Variants in CYP4X1 observed in about 807,000 individuals in gnomAD.
CYP4X1 encodes the protein cytochrome P450 4X1.
CYP4X1 carries 44 observed loss-of-function variants against 57.9 expected under a neutral mutation model. The observed-to-expected ratio is 0.76, with a 90% CI of 0.60 to 0.98. The LOEUF is 0.98. Among genes scored for constraint, CYP4X1 ranks in the 50% least tolerant of loss-of-function variants. CYP4X1 has a pLI of 0.00. For missense variants in CYP4X1, 532 were observed against 623.9 expected, an observed-to-expected ratio of 0.85 and a Z score of 1.57; for synonymous variants, 227 against 228.6, an observed-to-expected ratio of 0.99 and a Z score of 0.06.
At chr1:47,032,028 G>A (rs973422006) in intron 3 of CYP4X1, among the ~76,000 whole-genome samples, 2 of 151,752 alleles carry the variant, frequency 1.3e-5, no homozygotes, top group Non-Finnish European at 2.9e-5. Flanking sequence ...AGGTGACAGA[G>A]CAAAACTCTG....
At chr1:47,029,965 A>T (rs1483971065) in intron 1 of CYP4X1, 25 bp from the exon 2 acceptor site, 1 of 1,611,656 alleles carries the variant, frequency 6.2e-7, no homozygotes, top group Non-Finnish European at 8.5e-7. Context: ...TGGCTGGCTA[A>T]TTACTTTTAC....
chr1:46,966,592 T>G, the CYP4X1 span, among the ~76,000 whole-genome samples: 3 of 152,204 alleles, frequency 2.0e-5, no homozygotes, highest in Non-Finnish European at 2.9e-5. Flanking sequence ...CTCCATGGGC[T>G]GAATTGTTTG....
chr1:47,051,881 CTATA>C (rs1166058073), downstream of CYP4X1, among the ~76,000 whole-genome samples: 1 of 151,914 alleles, frequency 6.6e-6, no homozygotes, highest in Non-Finnish European at 1.5e-5. Flanking sequence ...CTCACTTTCT[CTATA>C]TATCTCCTTC....
chr1:46,979,220 G>A, the CYP4X1 span, among the ~76,000 whole-genome samples: 1 of 152,130 alleles, frequency 6.6e-6, no homozygotes, highest in Non-Finnish European at 1.5e-5. Flanking sequence ...AAAATTGATA[G>A]ACCACTAGCA....
At chr1:47,032,927 G>C (rs1644139306) in intron 3 of CYP4X1, among the ~76,000 whole-genome samples, 1 of 152,116 alleles carries the variant, frequency 6.6e-6, no homozygotes, top group African/African-American at 2.4e-5. Flanking sequence ...GGAAGATTGA[G>C]TCACTTATTC....
chr1:46,991,704 G>A, the CYP4X1 span, among the ~76,000 whole-genome samples: 6 of 152,280 alleles, frequency 3.9e-5, no homozygotes, highest in Admixed American at 1.3e-4. Flanking sequence ...CAAAGCAAGC[G>A]CAGAGCAAAC....
the CYP4X1 span, among the ~76,000 whole-genome samples, chr1:46,974,022 T>A: frequency 6.6e-6 from 1 of 152,156 alleles, no homozygotes; most frequent in Non-Finnish European, 1.5e-5. Context: ...GGTTGGTAAT[T>A]TCAGATCTTT....
the CYP4X1 span, among the ~76,000 whole-genome samples, chr1:47,006,024 G>A: frequency 8.3e-4 from 126 of 152,198 alleles, no homozygotes; most frequent in African/African-American, 2.8e-3. Context: ...GGTTAACAAG[G>A]GAATCACTAA....
upstream of CYP4X1, among the ~76,000 whole-genome samples, chr1:47,021,704 A>G (rs946014402): frequency 6.6e-6 from 1 of 152,206 alleles, no homozygotes; most frequent in African/African-American, 2.4e-5. Context: ...AGCACATGGA[A>G]CGGTGCTGGA....
chr1:47,053,522 AC>A (rs1644372312), downstream of CYP4X1, among the ~76,000 whole-genome samples: 1 of 151,882 alleles, frequency 6.6e-6, no homozygotes, highest in Non-Finnish European at 1.5e-5. Context: ...GAACTAGTTT[AC>A]CCTCCCACCA....
At chr1:46,964,219 C>T in the CYP4X1 span, among the ~76,000 whole-genome samples, 1,415 of 151,976 alleles carry the variant, frequency 9.3e-3, 25 homozygotes, top group African/African-American at 0.033. Context: ...TAAGTTTGAT[C>T]GTCTGAAGCC....
the CYP4X1 span, among the ~76,000 whole-genome samples, chr1:47,018,605 T>C: frequency 6.6e-6 from 1 of 152,208 alleles, no homozygotes; most frequent in Non-Finnish European, 1.5e-5. Flanking sequence ...CTGTTCCCAG[T>C]AGTACTCTCT....
chr1:47,035,807 A>T lies in CYP4X1; in HGVS notation c.494A>T (p.Asp165Val). Residue 165 changes from aspartate to valine, a missense_variant and splice_region_variant, in exon 5 of 12, where the codon GAT becomes GTT. Coordinates refer to ENST00000371901, the MANE Select transcript of CYP4X1 (RefSeq NM_178033.2). ...VMAHSVKMML[D>V]KWEKICSTQD... is the part of the protein sequence containing the mutation. ...GTTGGTCTTGACCTCCTGTGCCAGG[A>T]TAAGTGGGAGAAGATTTGCAGCACT... 1 of 1,612,024 alleles carries T rather than the reference A, an allele frequency of 6.2e-7. No homozygotes were observed.
the CYP4X1 span, among the ~76,000 whole-genome samples, chr1:46,971,387 C>T: frequency 2.6e-5 from 4 of 152,232 alleles, no homozygotes; most frequent in Non-Finnish European, 2.9e-5. Flanking sequence ...TGAACATATG[C>T]GTGCATGTGT....
intron 2 of CYP4X1, among the ~76,000 whole-genome samples, chr1:47,030,638 A>G (rs1644115093): frequency 1.3e-5 from 2 of 152,166 alleles, no homozygotes; most frequent in South Asian, 2.1e-4. Flanking sequence ...GGTATGAGTC[A>G]TCTACTTCCC....
At chr1:47,035,740 GCCTT>G in intron 4 of CYP4X1, 62 bp from the exon 5 acceptor site, 1 of 1,558,818 alleles carries the variant, frequency 6.4e-7, no homozygotes, top group East Asian at 2.3e-5. Context: ...CCAGGCAGGA[GCCTT>G]CAAATGAAGG....
chr1:46,984,404 A>T, the CYP4X1 span, among the ~76,000 whole-genome samples: 1 of 142,718 alleles, frequency 7.0e-6, no homozygotes, highest in Non-Finnish European at 1.5e-5. Context: ...AAAAAAAACC[A>T]GGAGAGGCTG....
the CYP4X1 span, among the ~76,000 whole-genome samples, chr1:46,981,681 A>T: frequency 6.6e-6 from 1 of 152,226 alleles, no homozygotes; most frequent in Non-Finnish European, 1.5e-5. Context: ...ACACATGCAC[A>T]TGTATGTTTA....
chr1:47,031,322 C>CT, intron 2 of CYP4X1, 114 bp from the exon 3 acceptor site: 1 of 1,287,994 alleles, frequency 7.8e-7, no homozygotes, highest in Non-Finnish European at 1.1e-6. Flanking sequence ...CCTGGGCTCT[C>CT]TTTTTCTCAC....
Sources: allele counts gnomAD v4.1 joint callset (sites outside exome capture counted in the v4.1 genomes callset), GRCh38; gene constraint gnomAD v4.1.1; transcripts MANE v1.5; gene names NCBI Gene and HGNC (gene_info 2026-07-23, HGNC 2026-07-21).